AKAP6: variants seen among roughly 807,000 people sequenced by gnomAD.
The protein encoded by AKAP6 is A-kinase anchoring protein 6.
AKAP6 carries 58 observed loss-of-function variants against 188.5 expected under a neutral mutation model. That is an observed-to-expected ratio of 0.31 (90% CI 0.25 to 0.38). The LOEUF (loss-of-function observed/expected upper bound fraction) is 0.38. AKAP6 is among the 10% of genes least tolerant of loss of function. The pLI is 1.00. For missense variants in AKAP6, 2,710 were observed against 2,740.0 expected, an observed-to-expected ratio of 0.99 and a Z score of 0.24; for synonymous variants, 989 against 998.6, an observed-to-expected ratio of 0.99 and a Z score of 0.18.
chr14:32,552,267 TCC>T (rs1316383820), intron 4 of AKAP6, among the ~76,000 whole-genome samples: 17 of 152,106 alleles, frequency 1.1e-4, no homozygotes, highest in African/African-American at 4.1e-4. Flanking sequence ...TCTGTTTTAT[TCC>T]TCCCACAAGA....
At chr14:32,383,177 A>G (rs1391116242) in intron 1 of AKAP6, among the ~76,000 whole-genome samples, 3 of 151,934 alleles carry the variant, frequency 2.0e-5, no homozygotes, top group African/African-American at 7.2e-5. Flanking sequence ...AGATGAAACT[A>G]CTTCAAAATA....
chr14:32,637,724 G>A (rs1203126751), intron 7 of AKAP6, among the ~76,000 whole-genome samples: 2 of 151,878 alleles, frequency 1.3e-5, no homozygotes, highest in Admixed American at 6.6e-5. Context: ...TGAGATGAGG[G>A]TGGAGAGTGG....
At chr14:32,533,600 G>A (rs1230687024) in intron 2 of AKAP6, among the ~76,000 whole-genome samples, 1 of 152,194 alleles carries the variant, frequency 6.6e-6, no homozygotes, top group African/African-American at 2.4e-5. Context: ...CTCAGCCGTG[G>A]GAGGGAGGGA....
intron 1 of AKAP6, among the ~76,000 whole-genome samples, chr14:32,427,255 TA>T (rs1890065726): frequency 6.6e-6 from 1 of 152,206 alleles, no homozygotes; most frequent in Non-Finnish European, 1.5e-5. Context: ...GTGATCTCAC[TA>T]AACAGTGTTA....
In AKAP6 at chr14:32,555,246, C is replaced by T. The variant is rs17413566; in HGVS notation, c.2346+8247C>T. Among the ~76,000 whole-genome samples, 1,494 of 152,228 alleles carry T rather than the reference C, an allele frequency of 9.8e-3. 10 individuals carry two copies. Among genetic ancestry groups the T allele is most frequent in the Non-Finnish European group, 0.016 (1,111 of 68,008 alleles). ...CAGCACAAATGTGGCTACCATTGCA[C>T]TTGCTAGAGATGGAGCTGGGAAGTG... On this transcript the variant is annotated intron_variant, in intron 4 of 13. Coordinates refer to ENST00000280979, the MANE Select transcript of AKAP6 (RefSeq NM_004274.5).
intron 7 of AKAP6, among the ~76,000 whole-genome samples, chr14:32,615,584 A>G (rs576280623): frequency 7.1e-6 from 1 of 140,942 alleles, no homozygotes; most frequent in East Asian, 2.0e-4. Flanking sequence ...CCAATGCTAA[A>G]CCATTACTTT....
At chr14:32,388,185 C>T (rs912207036) in intron 1 of AKAP6, among the ~76,000 whole-genome samples, 14 of 151,856 alleles carry the variant, frequency 9.2e-5, no homozygotes, top group Admixed American at 5.9e-4. Flanking sequence ...TGGTGTCAGT[C>T]GTAATATCTC....
chr14:32,341,185 T>C (rs1594518766), intron 1 of AKAP6, among the ~76,000 whole-genome samples: 1 of 152,260 alleles, frequency 6.6e-6, no homozygotes, highest in South Asian at 2.1e-4. Context: ...TTTGTGTTTC[T>C]ATTTGTTTTT....
intron 11 of AKAP6, among the ~76,000 whole-genome samples, chr14:32,762,041 A>C (rs1026086556): frequency 6.6e-6 from 1 of 152,182 alleles, no homozygotes; most frequent in Non-Finnish European, 1.5e-5. Flanking sequence ...ATTAATGCTT[A>C]TCTGCTTAGG....
intron 2 of AKAP6, among the ~76,000 whole-genome samples, chr14:32,512,939 T>C (rs1252880156): frequency 6.6e-6 from 1 of 152,280 alleles, no homozygotes; most frequent in East Asian, 1.9e-4. Context: ...TTAGCAAAAA[T>C]TATATGTTGC....
rs1282865193 is a variant in AKAP6, at chr14:32,568,576, C to T, written c.2347-8544C>T. Among the ~76,000 whole-genome samples the T allele has an allele frequency of 6.6e-6, 1 of 152,108 alleles. No individual in the cohort carries two copies. The highest frequency in any genetic ancestry group is 1.5e-5 in the Non-Finnish European group (1 of 68,030). On this transcript the variant is annotated intron_variant, in intron 4 of 13. Transcript: ENST00000280979. This position sits in a 1 kb window ranked among gnomAD's most constrained non-coding sequence, Gnocchi z 6.2. ...AGGCAGATAAAGATGATCTGATCTG[C>T]TTATCCAGTGTCTTGGAGGATTGGG...
Position 32,819,960 on chromosome 14 carries a change from A to G in AKAP6, c.3589-1442A>G, listed in dbSNP as rs187056751. ...AAGACTGTGTCAAAAAAAGAAATAC[A>G]TATATATATATATGTATGGCCACCT... On this transcript the variant is annotated intron_variant, in intron 12 of 13. Coordinates refer to ENST00000280979, the MANE Select transcript of AKAP6 (RefSeq NM_004274.5). Among the ~76,000 whole-genome samples, 360 of 147,720 alleles carry G rather than the reference A, an allele frequency of 2.4e-3. 2 individuals are homozygous for G. Among genetic ancestry groups the G allele is most frequent in the Non-Finnish European group, 3.7e-3 (245 of 66,914 alleles).
intron 8 of AKAP6, among the ~76,000 whole-genome samples, chr14:32,683,735 A>T (rs966502902): frequency 6.6e-6 from 1 of 152,202 alleles, no homozygotes; most frequent in African/African-American, 2.4e-5. Flanking sequence ...AAACAGCCAG[A>T]ATCACTAAGT....
At chr14:32,422,973 G>A (rs933823592) in intron 1 of AKAP6, among the ~76,000 whole-genome samples, 2 of 152,090 alleles carry the variant, frequency 1.3e-5, no homozygotes, top group African/African-American at 2.4e-5. Flanking sequence ...TTGTGAGTTG[G>A]TTAAGTCATT....
chr14:32,823,029 A>G lies in AKAP6; in HGVS notation c.5216A>G (p.Asn1739Ser). The change falls in exon 13 of 14, where the codon AAT (asparagine) becomes AGT (serine). Residue 1739 changes from asparagine (N) to serine (S), a missense_variant. Physicochemically the swap from Asn to Ser is conservative, Grantham distance 46. Around this residue, in one of 2 missense-constraint regions of AKAP6, gnomAD observed 2,473 missense variants for 2,426.1 expected, o/e 1.02. Transcript: ENST00000280979. ...ESDVNVSMIV[N>S]VSCTSACTDD... The stretch of plus-strand genomic sequence containing the variant: ...GATGTCAATGTCAGCATGATTGTTA[A>G]TGTCTCTTGCACCTCTGCTTGCACT... 2 of 1,613,812 alleles carry G rather than the reference A, an allele frequency of 1.2e-6. No individual in the cohort carries two copies. Among genetic ancestry groups the G allele is most frequent in the Non-Finnish European group, 1.7e-6 (2 of 1,179,878 alleles).
chr14:32,378,664 A>G (rs1888237098), intron 1 of AKAP6, among the ~76,000 whole-genome samples: 1 of 152,194 alleles, frequency 6.6e-6, no homozygotes, highest in South Asian at 2.1e-4. Flanking sequence ...AACTGGTTTG[A>G]TTTATTTTCT....
chr14:32,613,146 C>T (rs929189988), intron 7 of AKAP6, among the ~76,000 whole-genome samples: 5 of 152,172 alleles, frequency 3.3e-5, no homozygotes, highest in African/African-American at 7.2e-5. Flanking sequence ...TGACCTGGGT[C>T]GCTTTTCTGG....
chr14:32,689,516 A>G (rs936407020), intron 8 of AKAP6, among the ~76,000 whole-genome samples: 1 of 152,176 alleles, frequency 6.6e-6, no homozygotes, highest in African/African-American at 2.4e-5. Flanking sequence ...ATTAATGGCA[A>G]AGGCAGGCTG....
chr14:32,495,424 G>GC (rs1273379596), intron 2 of AKAP6: 1 of 152,142 alleles, frequency 6.6e-6, no homozygotes, highest in African/African-American at 2.4e-5. Context: ...TGTTTATCTG[G>GC]CATTCCTTAT....
Sources: allele counts gnomAD v4.1 joint callset (sites outside exome capture counted in the v4.1 genomes callset), GRCh38; gene constraint gnomAD v4.1.1; regional missense constraint gnomAD v4.1.1; non-coding constraint Gnocchi (gnomAD v3.1); transcripts MANE v1.5; gene names NCBI Gene and HGNC (gene_info 2026-07-23, HGNC 2026-07-21).